Variants in TAFA2 observed in about 807,000 individuals in gnomAD.
The protein encoded by TAFA2 is chemokine-like protein TAFA-2.
TAFA2 carries 7 observed loss-of-function variants against 18.8 expected under a neutral mutation model. The ratio of observed to expected loss-of-function variants is 0.37; its 90% CI spans 0.21 to 0.70. The LOEUF (loss-of-function observed/expected upper bound fraction) is 0.70, where lower values mean the gene tolerates loss of function less well. TAFA2 is among the 30% of genes least tolerant of loss of function. The probability of loss-of-function intolerance (pLI) is 0.53; values close to 1 mark genes in which losing one functional copy is unlikely to be tolerated. For synonymous variants in TAFA2, 60 were observed against 54.2 expected (o/e 1.11, Z -0.47); for missense variants, 122 against 158.1 (o/e 0.77, Z 1.23).
upstream of TAFA2, among the ~76,000 whole-genome samples, chr12:62,194,253 C>G (rs2062639375): frequency 1.3e-5 from 2 of 151,514 alleles, no homozygotes; most frequent in African/African-American, 4.8e-5. Context: ...GGACTCTGTA[C>G]TAGAAAGAAG....
chr12:62,215,331 A>T (rs1427072164), intron 1 of TAFA2, among the ~76,000 whole-genome samples: 1 of 152,184 alleles, frequency 6.6e-6, no homozygotes, highest in Non-Finnish European at 1.5e-5. Flanking sequence ...CCTTCTCAGT[A>T]GTTGCTCCAA....
chr12:62,203,249 A>G (rs146585812), intron 1 of TAFA2, among the ~76,000 whole-genome samples: 1 of 152,342 alleles, frequency 6.6e-6, no homozygotes, highest in African/African-American at 2.4e-5. Context: ...GGAGTGTTTT[A>G]CTTCCAATTA....
rs374468112 is a variant in TAFA2, at chr12:62,090,446, T to G, written c.-2+100813A>C. Among the ~76,000 whole-genome samples, 68 of 152,224 alleles carry G rather than the reference T, an allele frequency of 4.5e-4. 1 individual carries two copies. In the East Asian group the frequency reaches 7.0e-3, roughly 16 times the overall value. On this transcript the variant is annotated intron_variant, in intron 1 of 4. Coordinates refer to ENST00000416284, the MANE Select transcript of TAFA2 (RefSeq NM_178539.5). ...TTAGAAAAATAGGAGCATTTTTTAC[T>G]GTATGAAGAATGGTGAAGTTTCTAA...
At chr12:61,897,245 T>C (rs2198791) in intron 1 of TAFA2, among the ~76,000 whole-genome samples, 84,030 of 151,946 alleles carry the variant, frequency 0.55, 24,801 homozygotes, top group African/African-American at 0.77. Context: ...ACATCCTTAA[T>C]GAATGTATTA....
chr12:61,908,555 T>C (rs1361872989), intron 1 of TAFA2, among the ~76,000 whole-genome samples: 2 of 152,036 alleles, frequency 1.3e-5, no homozygotes, highest in Admixed American at 6.6e-5. Flanking sequence ...GAGAACGGAC[T>C]AATACACAAA....
At chr12:62,156,202 C>A (rs2136924975) in intron 1 of TAFA2, among the ~76,000 whole-genome samples, 1 of 152,298 alleles carries the variant, frequency 6.6e-6, no homozygotes, top group African/African-American at 2.4e-5. Context: ...AAATGCTCAA[C>A]ATCACTAATG....
intron 2 of TAFA2, among the ~76,000 whole-genome samples, chr12:61,762,481 T>C (rs1869597020): frequency 2.6e-5 from 4 of 151,972 alleles, no homozygotes; most frequent in Admixed American, 2.0e-4. Context: ...GAAGCTGCCT[T>C]TAAATTATAT....
At chr12:62,205,251 T>G (rs1208107556) in intron 1 of TAFA2, among the ~76,000 whole-genome samples, 1 of 152,228 alleles carries the variant, frequency 6.6e-6, no homozygotes, top group Non-Finnish European at 1.5e-5. Context: ...CCAGTGGGAA[T>G]GCTCCTGTGT....
At chr12:61,818,523 ACACT>A (rs1213823689) in intron 2 of TAFA2, among the ~76,000 whole-genome samples, 3 of 150,238 alleles carry the variant, frequency 2.0e-5, no homozygotes, top group Non-Finnish European at 3.0e-5. Flanking sequence ...ACACACACAC[ACACT>A]AGGATCCTTC....
chr12:62,121,986 C>T (rs1427926840), intron 1 of TAFA2, among the ~76,000 whole-genome samples: 2 of 152,148 alleles, frequency 1.3e-5, no homozygotes, highest in African/African-American at 2.4e-5. Flanking sequence ...AACCAACTAC[C>T]ACACATTCTC....
Position 61,710,222 on chromosome 12 carries a change from G to A in TAFA2, c.*184C>T. ...CTGCTGAAATCTTCATGACATGCAA[G>A]TTCATGTCTGACTTTTAAAAAGTCT... is the stretch of plus-strand genomic sequence containing the variant. On this transcript the variant is annotated 3_prime_UTR_variant, in exon 5 of 5. Coordinates refer to ENST00000416284, the MANE Select transcript of TAFA2 (RefSeq NM_178539.5). The A allele has an allele frequency of 1.7e-6, 1 of 582,876 alleles. No individual in the cohort carries two copies. The highest frequency in any genetic ancestry group is 3.1e-6 in the Non-Finnish European group (1 of 324,402). 36.1% of individuals were successfully genotyped at this position (582,876 alleles called of 1,614,324 possible).
At chr12:62,048,310 A>G (rs1176703450) in intron 1 of TAFA2, among the ~76,000 whole-genome samples, 1 of 152,182 alleles carries the variant, frequency 6.6e-6, no homozygotes, top group Admixed American at 6.6e-5. Flanking sequence ...AGACGTACCA[A>G]GCAAAGTGGG....
intron 1 of TAFA2, among the ~76,000 whole-genome samples, chr12:62,040,734 G>A (rs1034931015): frequency 3.2e-4 from 48 of 152,174 alleles, no homozygotes; most frequent in African/African-American, 8.2e-4. Context: ...AAGCTAACAC[G>A]AATATTTACA....
upstream of TAFA2, among the ~76,000 whole-genome samples, chr12:62,196,422 C>T (rs1382758113): frequency 6.6e-6 from 1 of 152,170 alleles, no homozygotes; most frequent in Non-Finnish European, 1.5e-5. Context: ...TTTTGACATG[C>T]CTTCCTCCCT....
chr12:61,837,195 G>A (rs1872969981), intron 2 of TAFA2, among the ~76,000 whole-genome samples: 1 of 151,798 alleles, frequency 6.6e-6, no homozygotes, highest in Non-Finnish European at 1.5e-5. Context: ...GCAATGTATT[G>A]ATGGCAATAG....
At chr12:61,841,319 C>T (rs1221499065) in intron 2 of TAFA2, among the ~76,000 whole-genome samples, 2 of 152,036 alleles carry the variant, frequency 1.3e-5, no homozygotes, top group African/African-American at 2.4e-5. Flanking sequence ...TGGGAATAAC[C>T]TGTCTCAAAC....
At chr12:62,118,150 T>A (rs931075428) in intron 1 of TAFA2, among the ~76,000 whole-genome samples, 1 of 152,160 alleles carries the variant, frequency 6.6e-6, no homozygotes, top group African/African-American at 2.4e-5. Context: ...ATTCCCTTTA[T>A]TCCCTTGCTG....
At chr12:61,817,758 G>A (rs982276198) in intron 2 of TAFA2, among the ~76,000 whole-genome samples, 3 of 152,170 alleles carry the variant, frequency 2.0e-5, no homozygotes, top group African/African-American at 7.2e-5. Flanking sequence ...ACAGTGATAT[G>A]TAAAAATGGC....
chr12:61,951,311 T>G (rs114120743), intron 1 of TAFA2, among the ~76,000 whole-genome samples: 1 of 152,148 alleles, frequency 6.6e-6, no homozygotes, highest in East Asian at 1.9e-4. Flanking sequence ...CAGGCAAATA[T>G]GTTTTGAAAG....
Sources: allele counts gnomAD v4.1 joint callset (sites outside exome capture counted in the v4.1 genomes callset), GRCh38; gene constraint gnomAD v4.1.1; transcripts MANE v1.5; gene names NCBI Gene and HGNC (gene_info 2026-07-23, HGNC 2026-07-21).